The following RCN2 variants were observed in gnomAD, a reference collection of about 807,000 sequenced individuals.
RCN2 encodes the protein reticulocalbin 2, also known as reticulocalbin-2.
A neutral mutation model predicts 37.5 loss-of-function variants in RCN2; 23 were observed. That is an observed-to-expected ratio of 0.61 (90% CI 0.44 to 0.87). The LOEUF is 0.87. Ranked by LOEUF, RCN2 falls within the 40% of genes least tolerant of loss-of-function variation. RCN2 has a pLI of 0.00. For synonymous variants in RCN2, 140 were observed against 144.6 expected, an observed-to-expected ratio of 0.97 and a Z score of 0.23; for missense variants, 381 against 390.4, an observed-to-expected ratio of 0.98 and a Z score of 0.20.
intron 6 of RCN2, chr15:76,948,864 G>A: frequency 1.7e-6 from 1 of 580,650 alleles, no homozygotes; most frequent in Non-Finnish European, 3.0e-6. Flanking sequence ...TGAGTGGAGA[G>A]AGACAGAACC....
intron 4 of RCN2, among the ~76,000 whole-genome samples, chr15:76,947,034 A>T (rs1258330428): frequency 6.6e-6 from 1 of 152,220 alleles, no homozygotes; most frequent in Non-Finnish European, 1.5e-5. Flanking sequence ...GGGCAAATGA[A>T]GTTAAAGACA....
chr15:76,953,696 C>T lies in RCN2; in HGVS notation c.*4474C>T, dbSNP rs1458805010. The T allele has an allele frequency of 6.9e-6, 1 of 145,042 alleles. No individual in the cohort carries two copies. Among genetic ancestry groups the T allele is most frequent in the Non-Finnish European group, 1.5e-5 (1 of 66,554 alleles). 9.0% of individuals were successfully genotyped at this position (145,042 alleles called of 1,614,324 possible). ...GATCTCGGCTCACTGCAGGCTCCGC[C>T]TCCCGGGTTCACACCATTCTCCTGC... is the stretch of plus-strand genomic sequence containing the variant. On this transcript the variant is annotated 3_prime_UTR_variant, in exon 7 of 7. Coordinates refer to ENST00000394885, the MANE Select transcript of RCN2 (RefSeq NM_002902.3).
chr15:76,950,659 A>T lies in RCN2; in HGVS notation c.*1437A>T, dbSNP rs900911007. ...CCACCTCGGCCTCCCAAGGTGCTGG[A>T]ATTACAGGCGTGAGCCAACGCGCAC... On this transcript the variant is annotated 3_prime_UTR_variant, in exon 7 of 7. Transcript: ENST00000394885. 6.6e-6 allele frequency: 1 copy of T among 152,092 alleles called. No individual in the cohort carries two copies. Among genetic ancestry groups the T allele is most frequent in the African/African-American group, 2.4e-5 (1 of 41,406 alleles). 9.4% of individuals were successfully genotyped at this position (152,092 alleles called of 1,614,324 possible).
At chr15:76,937,321 C>T (rs145346029) in intron 3 of RCN2, among the ~76,000 whole-genome samples, 182 of 152,222 alleles carry the variant, frequency 1.2e-3, no homozygotes, top group African/African-American at 4.0e-3. Context: ...GGAAGTGATA[C>T]TGCTAGATCA....
chr15:76,948,941 T>G (rs1233332413), intron 6 of RCN2, 129 bp from the exon 7 acceptor site: 1 of 841,886 alleles, frequency 1.2e-6, no homozygotes, highest in Non-Finnish European at 1.8e-6. Context: ...CGTGTAACAT[T>G]TTTAGATACT....
chr15:76,942,037 A>C (rs772961333), intron 3 of RCN2: 1 of 171,842 alleles, frequency 5.8e-6, no homozygotes, highest in Non-Finnish European at 1.2e-5. Context: ...AGTTATTTAA[A>C]ATTTTGAAAC....
chr15:76,931,856 G>C lies in RCN2; in HGVS notation c.15G>C (p.Pro5=). 2 of 1,270,572 alleles carry C rather than the reference G, an allele frequency of 1.6e-6. No homozygotes were observed. The highest frequency in any genetic ancestry group is 2.5e-5 in the South Asian group (1 of 39,596). The allele number at this position is 1,270,572 out of a possible 1,614,324, so 78.7% of individuals were successfully genotyped here. MRLG[P]RTAALGLLLL... Reference sequence around the variant, plus strand: ...GGGCCGGCGCGATGCGGCTGGGCCCGAGGACCGCGGCGTTGGGGCTGCTGC... The same window carrying C: ...GGGCCGGCGCGATGCGGCTGGGCCCCAGGACCGCGGCGTTGGGGCTGCTGC... Residue 5 remains proline (P), a synonymous_variant, in exon 1 of 7, where the codon CCG becomes CCC. Coordinates refer to ENST00000394885, the MANE Select transcript of RCN2 (RefSeq NM_002902.3).
At chr15:76,933,511 C>T (rs2075233840) in intron 2 of RCN2, among the ~76,000 whole-genome samples, 1 of 152,202 alleles carries the variant, frequency 6.6e-6, no homozygotes, top group Non-Finnish European at 1.5e-5. Flanking sequence ...TCAAAGAACA[C>T]AACACGTTGA....
chr15:76,939,231 A>AAAATAAAT (rs147122407), intron 3 of RCN2, among the ~76,000 whole-genome samples: 2,557 of 144,610 alleles, frequency 0.018, 39 homozygotes, highest in Non-Finnish European at 0.025. Flanking sequence ...CTCATTTCTA[A>AAAATAAAT]AAATAAATAA....
At chr15:76,937,851 G>C (rs1160677092) in intron 3 of RCN2, among the ~76,000 whole-genome samples, 2 of 152,084 alleles carry the variant, frequency 1.3e-5, no homozygotes, top group Admixed American at 1.3e-4. Context: ...AACACTTCTA[G>C]GAAGTCTATT....
chr15:76,937,811 CTA>C (rs2075258947), intron 3 of RCN2, among the ~76,000 whole-genome samples: 1 of 152,040 alleles, frequency 6.6e-6, no homozygotes, highest in African/African-American at 2.4e-5. Flanking sequence ...CTGAGAAAGA[CTA>C]ATTTTATTTA....
At chr15:76,937,859 A>G (rs573740309) in intron 3 of RCN2, among the ~76,000 whole-genome samples, 83 of 152,334 alleles carry the variant, frequency 5.4e-4, no homozygotes, top group African/African-American at 1.3e-3. Context: ...TAGGAAGTCT[A>G]TTAAACTAAA....
chr15:76,938,855 T>C (rs1198158253), intron 3 of RCN2: 1 of 439,632 alleles, frequency 2.3e-6, no homozygotes, highest in East Asian at 7.2e-5. Context: ...TTTCCTCATC[T>C]CCAAAAATGA....
chr15:76,948,692 A>G (rs2075306597), intron 6 of RCN2, 140 bp downstream of exon 6: 1 of 760,720 alleles, frequency 1.3e-6, no homozygotes, highest in East Asian at 2.8e-5. Context: ...TATGTTTTGA[A>G]TTTACGAACT....
At position 76,931,841 on chromosome 15, in the gene RCN2, G is replaced by A. The variant is rs894624576; in HGVS notation, c.-1G>A. 193 of 1,232,714 alleles carry A rather than the reference G, an allele frequency of 1.6e-4. 4 individuals carry two copies. The Admixed American group carries it at 8.4e-3, about 54-fold the overall frequency. The allele number at this position is 1,232,714 out of a possible 1,614,324, so 76.4% of individuals were successfully genotyped here. ...CTCGGTGTCCTCCGCGGGCCGGCGC[G>A]ATGCGGCTGGGCCCGAGGACCGCGG... On this transcript the variant is annotated 5_prime_UTR_variant, in exon 1 of 7. Coordinates refer to ENST00000394885, the MANE Select transcript of RCN2 (RefSeq NM_002902.3).
At chr15:76,941,076 C>A (rs912073559) in intron 3 of RCN2, among the ~76,000 whole-genome samples, 1 of 152,156 alleles carries the variant, frequency 6.6e-6, no homozygotes, top group Middle Eastern at 3.4e-3. Context: ...CTCTGTCACC[C>A]ACGCTGGAGT....
Position 76,953,305 on chromosome 15 carries a change from TA to T in RCN2, c.*4085del, listed in dbSNP as rs926235427. The T allele has an allele frequency of 6.6e-6, 1 of 152,004 alleles. No homozygotes were observed. The highest frequency in any genetic ancestry group is 1.5e-5 in the Non-Finnish European group (1 of 68,008). 9.4% of individuals were successfully genotyped at this position (152,004 alleles called of 1,614,324 possible). ...TTTTTGTGAGTGGCTTCACTTAGCA[TA>T]ACGTCCCCAAAGTTCACCCATATTG... On this transcript the variant is annotated 3_prime_UTR_variant, in exon 7 of 7. Transcript: ENST00000394885.
At position 76,932,432 on chromosome 15, in the gene RCN2, A is replaced by T; in HGVS notation, c.216A>T (p.Lys72Asn). 2 of 1,613,914 alleles carry T rather than the reference A, an allele frequency of 1.2e-6. No individual in the cohort carries two copies. The highest frequency in any genetic ancestry group is 1.7e-6 in the Non-Finnish European group (2 of 1,179,854). ...AAAGACTGCAGGCGATCATAAAGAAAATCGACTTGGACTCAGATGGCTTTC... is the reference window on the plus strand; with the variant it reads ...AAAGACTGCAGGCGATCATAAAGAATATCGACTTGGACTCAGATGGCTTTC... ...QQKRLQAIIK[K>N]IDLDSDGFLT... The change falls in exon 2 of 7, where the codon AAA becomes AAT. Residue 72 changes from lysine (K) to asparagine (N), a missense_variant. Lys to Asn is a moderately conservative substitution (Grantham distance 94, BLOSUM62 0). Coordinates refer to ENST00000394885, the MANE Select transcript of RCN2 (RefSeq NM_002902.3).
At chr15:76,932,121 A>C (rs932954594) in intron 1 of RCN2, 136 bp downstream of exon 1, 9 of 900,816 alleles carry the variant, frequency 1.0e-5, no homozygotes, top group Admixed American at 7.5e-5. Flanking sequence ...GCGGCGCGGC[A>C]CTCGCTCTCT....
Sources: allele counts gnomAD v4.1 joint callset (sites outside exome capture counted in the v4.1 genomes callset), GRCh38; gene constraint gnomAD v4.1.1; transcripts MANE v1.5; gene names NCBI Gene and HGNC (gene_info 2026-07-23, HGNC 2026-07-21).